The following NRDC variants were observed in gnomAD, a reference collection of about 807,000 sequenced individuals.
NRDC encodes the protein nardilysin convertase.
A neutral mutation model predicts 147.1 loss-of-function variants in NRDC; 54 were observed. The ratio of observed to expected loss-of-function variants is 0.37; its 90% CI spans 0.29 to 0.46. The LOEUF (loss-of-function observed/expected upper bound fraction) is 0.46. NRDC is among the 20% of genes least tolerant of loss of function. The pLI, the probability that NRDC is intolerant of heterozygous loss-of-function variation, is 1.00. For synonymous variants in NRDC, 440 were observed against 482.1 expected (o/e 0.91, Z 1.14); for missense variants, 1,082 against 1,370.6 (o/e 0.79, Z 3.33).
intron 8 of NRDC, 42 bp from the exon 9 acceptor site, chr1:51,819,915 C>G (rs774403441): frequency 7.0e-7 from 1 of 1,422,034 alleles, no homozygotes; most frequent in South Asian, 1.2e-5. Context: ...CTGGCAAAAG[C>G]CTTTATAAGC....
At chr1:51,830,787 T>G (rs959099193) in intron 4 of NRDC, among the ~76,000 whole-genome samples, 53 of 152,258 alleles carry the variant, frequency 3.5e-4, no homozygotes, top group African/African-American at 1.2e-3. Context: ...TAAAGACGGC[T>G]TCCATGCTCA....
chr1:51,839,283 T>C (rs563685186), intron 2 of NRDC, among the ~76,000 whole-genome samples: 1 of 151,268 alleles, frequency 6.6e-6, no homozygotes, highest in Non-Finnish European at 1.5e-5. Flanking sequence ...ATCTTCAGCC[T>C]GTCAAGTAGC....
intron 4 of NRDC, among the ~76,000 whole-genome samples, chr1:51,829,852 A>AT (rs138668272): frequency 4.0e-5 from 6 of 151,082 alleles, no homozygotes; most frequent in Admixed American, 6.6e-5. Context: ...GACATTTTCA[A>AT]TTTTTTTTAT....
rs574720188 is a variant in NRDC at position 51,831,727 on chromosome 1, C to T, written c.866+2290G>A. 1.8e-3 allele frequency among the ~76,000 whole-genome samples: 279 copies of T among 151,576 alleles called. 1 individual carries two copies. The highest frequency in any genetic ancestry group is 6.4e-3 in the African/African-American group (264 of 41,348). Reference sequence around the variant, plus strand: ...CCAAGCAGCTGGGATTACAGGCCTGCGCCACCACACCCAGCTAATTTTTGT... The same window carrying T: ...CCAAGCAGCTGGGATTACAGGCCTGTGCCACCACACCCAGCTAATTTTTGT... On this transcript the variant is annotated intron_variant, in intron 4 of 30. Transcript: ENST00000352171.
intron 4 of NRDC, among the ~76,000 whole-genome samples, chr1:51,828,201 T>C (rs546555677): frequency 6.6e-6 from 1 of 152,360 alleles, no homozygotes; most frequent in Non-Finnish European, 1.5e-5. Context: ...AGAAATATCC[T>C]GAATGTATAG....
chr1:51,789,265 G>A lies in NRDC; in HGVS notation c.3427C>T (p.Leu1143Phe), dbSNP rs374562199. Residue 1143 changes from leucine to phenylalanine, a missense_variant, in exon 31 of 31, where the codon CTT becomes TTT. By Grantham distance (22) the Leu-to-Phe change is conservative. Transcript: ENST00000352171. ...DIRAFTTTLN[L>F]LPYHKIVK ...TTGACTATTTTATGGTAGGGGAGAA[G>A]GTTGAGTGTTGTTGTGAAAGCCCTG... 1 of 1,613,986 alleles carries A rather than the reference G, an allele frequency of 6.2e-7. No individual in the cohort carries two copies. The highest frequency in any genetic ancestry group is 1.3e-5 in the African/African-American group (1 of 74,908).
chr1:51,860,896 G>A (rs1246637602), intron 1 of NRDC, among the ~76,000 whole-genome samples: 2 of 150,918 alleles, frequency 1.3e-5, no homozygotes, highest in East Asian at 1.9e-4. Flanking sequence ...TCCCAATTAA[G>A]TTGTCCAGAG....
At chr1:51,800,991 G>A (rs1214755743) in intron 20 of NRDC, 2 of 206,592 alleles carry the variant, frequency 9.7e-6, no homozygotes, top group South Asian at 1.4e-4. Context: ...ACTACAGACA[G>A]GGGCCACCAT....
At chr1:51,798,463 T>C (rs757996296) in intron 21 of NRDC, 52 bp from the exon 22 acceptor site, 1 of 1,427,556 alleles carries the variant, frequency 7.0e-7, no homozygotes, top group South Asian at 1.3e-5. Context: ...TAGAAATGAA[T>C]CTTCAGAATA....
chr1:51,821,370 TA>T, intron 8 of NRDC, 127 bp downstream of exon 8: 1 of 554,554 alleles, frequency 1.8e-6, no homozygotes, highest in Non-Finnish European at 3.2e-6. Context: ...TGACAGTCAT[TA>T]AGTTTGTTTA....
chr1:51,866,134 G>A (rs1682793515), intron 1 of NRDC, among the ~76,000 whole-genome samples: 1 of 152,066 alleles, frequency 6.6e-6, no homozygotes, highest in African/African-American at 2.4e-5. Context: ...AGGCAGGAGG[G>A]CCCCTTGAGC....
intron 2 of NRDC, 78 bp downstream of exon 2, chr1:51,840,148 G>T: frequency 1.8e-6 from 2 of 1,126,658 alleles, no homozygotes; most frequent in Non-Finnish European, 2.6e-6. Context: ...CTTCCTTTTT[G>T]CCATTAAAAA....
intron 1 of NRDC, among the ~76,000 whole-genome samples, chr1:51,844,605 T>G (rs1027751028): frequency 1.3e-5 from 2 of 151,330 alleles, no homozygotes; most frequent in Non-Finnish European, 2.9e-5. Flanking sequence ...TAGCCAGGCA[T>G]GGCGGCGCGT....
In NRDC at chr1:51,792,083, G is replaced by C; in HGVS notation, c.2839C>G (p.Pro947Ala). The C allele has an allele frequency of 6.2e-7, 1 of 1,613,918 alleles. No homozygotes were observed. Among genetic ancestry groups the C allele is most frequent in the Non-Finnish European group, 8.5e-7 (1 of 1,179,988 alleles). Reference protein sequence around the residue: ...MELLVMHMEEPCFDFLRTKQT... With the variant: ...MELLVMHMEEACFDFLRTKQT... Reference sequence around the variant, plus strand: ...TTGGTTCGAAGGAAGTCAAAACAAGGTTCTTCCATGTGCATCTGTAATTCA... The same window carrying C: ...TTGGTTCGAAGGAAGTCAAAACAAGCTTCTTCCATGTGCATCTGTAATTCA... The change falls in exon 26 of 31, where the codon CCT (proline) becomes GCT (alanine). Residue 947 changes from proline (P) to alanine (A), a missense_variant. Physicochemically the swap from Pro to Ala is conservative, Grantham distance 27. Coordinates refer to ENST00000352171, the MANE Select transcript of NRDC (RefSeq NM_001101662.2).
intron 3 of NRDC, among the ~76,000 whole-genome samples, chr1:51,835,708 C>A (rs1680934007): frequency 6.6e-6 from 1 of 152,110 alleles, no homozygotes. Context: ...TTCAAGTGAT[C>A]CACCCACCTC....
intron 18 of NRDC, 80 bp from the exon 19 acceptor site, chr1:51,805,641 A>G: frequency 1.2e-6 from 1 of 822,180 alleles, no homozygotes; most frequent in Admixed American, 2.9e-5. Flanking sequence ...CCTAATATAT[A>G]TATTTTTTAA....
intron 4 of NRDC, among the ~76,000 whole-genome samples, chr1:51,832,025 A>C (rs1680738080): frequency 6.6e-6 from 1 of 152,032 alleles, no homozygotes; most frequent in Non-Finnish European, 1.5e-5. Context: ...AAAAGAGATA[A>C]TTTCTTTTTA....
chr1:51,827,216 T>C (rs1031788137), intron 5 of NRDC, among the ~76,000 whole-genome samples: 3 of 152,198 alleles, frequency 2.0e-5, no homozygotes, highest in African/African-American at 7.2e-5. Context: ...TAGCCATCTG[T>C]AGTTTACTCA....
In NRDC at chr1:51,798,392, A is replaced by G. The variant is rs1770791; in HGVS notation, c.2461T>C (p.Leu821=). The change falls in exon 22 of 31, where the codon TTG becomes CTG. Residue 821 remains leucine (L), a synonymous_variant. Transcript: ENST00000352171. The part of the protein sequence containing the change: ...TLAKDVRLLI[L]EYARWSMIDK... ...ATCATAGACCAACGGGCATATTCCA[A>G]GATTAAAAGCCGTACATCTCTGTAC... is the stretch of plus-strand genomic sequence containing the variant. The G allele has an allele frequency of 0.26, 414,778 of 1,612,772 alleles. 60,235 individuals are homozygous for G. Among genetic ancestry groups the G allele is most frequent in the African/African-American group, 0.61 (45,621 of 74,864 alleles).
Sources: gnomAD v4.1 joint callset for allele counts (sites outside exome capture counted in the v4.1 genomes callset) on GRCh38, gnomAD v4.1.1 for gene constraint, MANE v1.5 for transcripts, NCBI Gene and HGNC (gene_info 2026-07-23, HGNC 2026-07-21) for gene names.